The following GET1 variants were observed in gnomAD, a reference collection of about 807,000 sequenced individuals.
GET1 encodes guided entry of tail-anchored proteins factor 1, also known as congenital heart disease 5 protein.
GET1 carries 20 observed loss-of-function variants against 22.6 expected under a neutral mutation model. The ratio of observed to expected loss-of-function variants is 0.89; its 90% CI spans 0.62 to 1.29. The LOEUF is 1.29. Ranked by LOEUF, GET1 falls within the 50% of genes most tolerant of loss-of-function variation. GET1 has a pLI of 0.00. For missense variants in GET1, 209 were observed against 219.9 expected (o/e 0.95, Z 0.31); for synonymous variants, 92 against 83.8 (o/e 1.10, Z -0.53).
At chr21:39,406,682 T>A, downstream of GET1, 1 of 1,220,408 alleles carries the variant, frequency 8.2e-7, no homozygotes, top group Non-Finnish European at 1.2e-6. Context: ...ATGGCATGTC[T>A]AGTACACTTA....
At chr21:39,402,869 A>C (rs1374103788), downstream of GET1, among the ~76,000 whole-genome samples, 1 of 152,264 alleles carries the variant, frequency 6.6e-6, no homozygotes, top group Non-Finnish European at 1.5e-5. Context: ...CTCAGAGATA[A>C]AAAGTTAGCA....
chr21:39,382,187 T>G (rs1165095307), intron 1 of GET1, among the ~76,000 whole-genome samples: 1 of 152,014 alleles, frequency 6.6e-6, no homozygotes, highest in Non-Finnish European at 1.5e-5. Flanking sequence ...CCCAGGTAGC[T>G]GTGATTACCA....
At chr21:39,404,750 C>A (rs1236819510) in intron 4 of GET1, among the ~76,000 whole-genome samples, 1,609 of 88,068 alleles carry the variant, frequency 0.018, no homozygotes, top group East Asian at 0.025. Flanking sequence ...GAGACACTGT[C>A]AAAAAAAAAA....
intron 4 of GET1, chr21:39,405,814 A>G: frequency 3.2e-6 from 4 of 1,231,350 alleles, no homozygotes; most frequent in South Asian, 3.3e-5. Flanking sequence ...CACACATTTC[A>G]AAAATAAGAT....
At chr21:39,399,898 TA>T (rs1181706174), downstream of GET1, among the ~76,000 whole-genome samples, 1 of 141,766 alleles carries the variant, frequency 7.1e-6, no homozygotes. Context: ...TACAAATCCA[TA>T]ATCTTTTTTT....
downstream of GET1, chr21:39,410,070 A>G (rs1304230211): frequency 1.2e-5 from 20 of 1,611,190 alleles, no homozygotes; most frequent in Non-Finnish European, 1.7e-5. Context: ...TTTCTTTATG[A>G]TCGATGTTTC....
chr21:39,405,165 A>T (rs1216165290), intron 4 of GET1, among the ~76,000 whole-genome samples: 2 of 150,826 alleles, frequency 1.3e-5, no homozygotes, highest in Non-Finnish European at 3.0e-5. Context: ...GAGTCTTTTG[A>T]TCATATTGTT....
At chr21:39,410,100 T>C, downstream of GET1, 1 of 1,589,584 alleles carries the variant, frequency 6.3e-7, no homozygotes, top group Non-Finnish European at 8.6e-7. Flanking sequence ...TTTTACCCTG[T>C]AATTTAGAAA....
At chr21:39,419,550 G>A (rs1318647501) in intron 1 of GET1, among the ~76,000 whole-genome samples, 75 of 146,424 alleles carry the variant, frequency 5.1e-4, no homozygotes, top group Non-Finnish European at 8.7e-4. Context: ...AAAGAAAAAA[G>A]AAAGAAAGGG....
At chr21:39,387,600 A>G (rs1181666316) in intron 1 of GET1, among the ~76,000 whole-genome samples, 1 of 150,386 alleles carries the variant, frequency 6.6e-6, no homozygotes, top group Non-Finnish European at 1.5e-5. Flanking sequence ...TGAACCCCCT[A>G]CTCCCTGCGC....
chr21:39,384,279 C>T (rs546218403), intron 1 of GET1, among the ~76,000 whole-genome samples: 39 of 151,144 alleles, frequency 2.6e-4, no homozygotes, highest in Non-Finnish European at 5.3e-4. Flanking sequence ...TTTTTTGAGA[C>T]AGAGTTTTGC....
chr21:39,425,153 CTA>C (rs1439768605), intron 1 of GET1, among the ~76,000 whole-genome samples: 4 of 152,174 alleles, frequency 2.6e-5, no homozygotes, highest in Non-Finnish European at 5.9e-5. Flanking sequence ...ATTCTAAACT[CTA>C]AAAATGTCTG....
At chr21:39,389,324 C>G (rs1420864795) in intron 1 of GET1, among the ~76,000 whole-genome samples, 1 of 151,840 alleles carries the variant, frequency 6.6e-6, no homozygotes, top group African/African-American at 2.4e-5. Flanking sequence ...CCCTGTCGCC[C>G]AGGCTGGAGT....
In GET1 at chr21:39,421,171, C is replaced by T. The variant is rs140643346; in HGVS notation, c.*24-7061C>T. On this transcript the variant is annotated intron_variant, in intron 1 of 1. Transcript: ENST00000478273. ...AGGCTGGAATGCAGTGGTGCGATCT[C>T]GGCTCACTGCAGCCTCCACCTCCTG... Among the ~76,000 whole-genome samples the T allele has an allele frequency of 5.0e-3, 745 of 149,786 alleles. 9 individuals are homozygous for T. Among genetic ancestry groups the T allele is most frequent in the African/African-American group, 0.017 (694 of 40,604 alleles).
chr21:39,413,904 C>G (rs1012581144), intron 1 of GET1: 5 of 152,428 alleles, frequency 3.3e-5, no homozygotes, highest in African/African-American at 1.2e-4. Context: ...GGAGGCACAG[C>G]AACAACAGAA....
At chr21:39,416,724 C>A (rs2041236090) in intron 1 of GET1, among the ~76,000 whole-genome samples, 1 of 152,098 alleles carries the variant, frequency 6.6e-6, no homozygotes, top group African/African-American at 2.4e-5. Context: ...CTATCAGGAG[C>A]TTTATCCCAT....
chr21:39,420,816 A>G, intron 1 of GET1: 1 of 1,612,978 alleles, frequency 6.2e-7, no homozygotes, highest in East Asian at 2.2e-5. Flanking sequence ...AAGGCTCTGC[A>G]GTTCAACCTC....
intron 1 of GET1, 29 bp downstream of exon 1, chr21:39,380,515 C>G: frequency 1.9e-6 from 3 of 1,594,176 alleles, no homozygotes; most frequent in South Asian, 1.1e-5. Context: ...TCCCAAGGGC[C>G]GGTGGGGATG....
chr21:39,425,120 G>A (rs975409089), intron 1 of GET1, among the ~76,000 whole-genome samples: 2 of 152,282 alleles, frequency 1.3e-5, no homozygotes, highest in East Asian at 1.9e-4. Context: ...ATCTAGATTC[G>A]GAGAAGGAGA....
Sources: allele counts gnomAD v4.1 joint callset (sites outside exome capture counted in the v4.1 genomes callset), GRCh38; gene constraint gnomAD v4.1.1; transcripts MANE v1.5; gene names NCBI Gene and HGNC (gene_info 2026-07-23, HGNC 2026-07-21).